IGFN1: variants seen among roughly 807,000 people sequenced by gnomAD.
The protein encoded by IGFN1 is immunoglobulin like and fibronectin type III domain containing 1.
A neutral mutation model predicts 289.5 loss-of-function variants in IGFN1; 253 were observed. That is an observed-to-expected ratio of 0.87 (90% CI 0.79 to 0.97). The LOEUF (loss-of-function observed/expected upper bound fraction) is 0.97, where lower values mean the gene tolerates loss of function less well. Ranked by LOEUF, IGFN1 falls within the 50% of genes least tolerant of loss-of-function variation. The pLI is 0.00. For missense variants in IGFN1, 4,470 were observed against 4,686.1 expected, an observed-to-expected ratio of 0.95 and a Z score of 1.35; for synonymous variants, 1,706 against 1,788.5, an observed-to-expected ratio of 0.95 and a Z score of 1.16.
chr1:201,224,688 A>T lies in IGFN1; in HGVS notation c.10300A>T (p.Met3434Leu). 1 of 1,613,958 alleles carries T rather than the reference A, an allele frequency of 6.2e-7. No individual in the cohort carries two copies. Among genetic ancestry groups the T allele is most frequent in the Non-Finnish European group, 8.5e-7 (1 of 1,179,910 alleles). ...RVPVSFEAMP[M>L]PEVTWLKDGL... ...TCCTCTCCTTTCTCAGGCCATGCCC[A>T]TGCCTGAGGTGACCTGGCTGAAGGA... Residue 3434 changes from methionine to leucine, a missense_variant, in exon 21 of 24, where the codon ATG becomes TTG. Physicochemically the swap from Met to Leu is conservative, Grantham distance 15. Transcript: ENST00000335211.
At chr1:201,224,186 G>A (rs190687563) in intron 20 of IGFN1, among the ~76,000 whole-genome samples, 211 of 152,268 alleles carry the variant, frequency 1.4e-3, no homozygotes, top group Middle Eastern at 6.8e-3. Context: ...ACAGTTCAAG[G>A]CCAGGACACC....
chr1:201,212,235 C>A lies in IGFN1; in HGVS notation c.7342C>A (p.Leu2448Met). 6.5e-7 allele frequency: 1 copy of A among 1,534,308 alleles called. No homozygotes were observed. The highest frequency in any genetic ancestry group is 8.7e-7 in the Non-Finnish European group (1 of 1,145,690). The change falls in exon 12 of 24, where the codon CTG (leucine) becomes ATG (methionine). Residue 2448 changes from leucine to methionine, a missense_variant. This residue lies in a region of IGFN1 where 2,218 missense variants were observed against 2,114.1 expected (regional missense o/e 1.05). Transcript: ENST00000335211. ...AGACAGCCTCAGGGGCACAGGGGTG[C>A]TGGGGTCTCAGGGAGGGCGACAGAC... ...HRDSLRGTGV[L>M]GSQGGRQTLS...
Position 201,208,275 on chromosome 1 carries a change from A to C in IGFN1, c.3382A>C (p.Arg1128=). The C allele has an allele frequency of 6.5e-7, 1 of 1,535,568 alleles. No individual in the cohort carries two copies. Among genetic ancestry groups the C allele is most frequent in the Non-Finnish European group, 8.7e-7 (1 of 1,146,568 alleles). The change falls in exon 12 of 24, where the codon AGA becomes CGA. Residue 1128 remains arginine (R), a synonymous_variant. Transcript: ENST00000335211. ...TCAGACTGGAAATTATGGGGGCTTC[A>C]GAGCCTCAGAGGCCCTGGGGGCCTT... ...WGQTGNYGGF[R]ASEALGAFGE...
At chr1:201,218,723 G>A (rs985020709) in intron 18 of IGFN1, 65 bp downstream of exon 18, 34 of 1,495,670 alleles carry the variant, frequency 2.3e-5, no homozygotes, top group Non-Finnish European at 2.7e-5. Context: ...AAGCTGGGTG[G>A]GACTTGATGG....
intron 22 of IGFN1, 116 bp downstream of exon 22, chr1:201,226,239 G>A (rs1232158678): frequency 8.4e-7 from 1 of 1,195,304 alleles, no homozygotes; most frequent in Non-Finnish European, 1.1e-6. Flanking sequence ...GGGATGGCCT[G>A]GAGCATGCCA....
At chr1:201,202,114 AG>A (rs1181140025) in intron 9 of IGFN1, among the ~76,000 whole-genome samples, 1 of 152,126 alleles carries the variant, frequency 6.6e-6, no homozygotes, top group African/African-American at 2.4e-5. Flanking sequence ...GGGTGAAAAG[AG>A]GGTTCTGAGA....
At chr1:201,227,298 G>A (rs1571504001) in intron 23 of IGFN1, 90 bp downstream of exon 23, 1 of 1,043,508 alleles carries the variant, frequency 9.6e-7, no homozygotes, top group African/African-American at 1.6e-5. Flanking sequence ...GGTGCCTAGA[G>A]GGATTCAGCC....
At chr1:201,228,275 G>A (rs1320145584) in intron 23 of IGFN1, 111 bp from the exon 24 acceptor site, 6 of 1,122,190 alleles carry the variant, frequency 5.3e-6, no homozygotes, top group Non-Finnish European at 8.2e-6. Flanking sequence ...CACACCCCCT[G>A]ATGGCAGAGC....
At chr1:201,202,421 C>T (rs1667204091) in intron 9 of IGFN1, among the ~76,000 whole-genome samples, 4 of 151,812 alleles carry the variant, frequency 2.6e-5, no homozygotes, top group South Asian at 2.1e-4. Flanking sequence ...GTGACTTGCC[C>T]CTCCCCTCAC....
chr1:201,226,939 G>A lies in IGFN1; in HGVS notation c.10844G>A (p.Arg3615Gln), dbSNP rs759555970. Residue 3615 changes from arginine to glutamine, a missense_variant, in exon 23 of 24, where the codon CGG becomes CAG. Physicochemically the swap from Arg to Gln is conservative, Grantham distance 43 (BLOSUM62 1). Coordinates refer to ENST00000335211, the MANE Select transcript of IGFN1 (RefSeq NM_001164586.2). ...YREPDLSQKPRFLVGLRSHLL... is the reference protein window; with the variant it reads ...YREPDLSQKPQFLVGLRSHLL... ...GAGCCCGACCTGAGCCAGAAGCCCC[G>A]GTTCCTGGTGGGCCTGCGGTCCCAC... is the stretch of plus-strand genomic sequence containing the variant. 2.5e-5 allele frequency: 40 copies of A among 1,611,178 alleles called. No individual in the cohort carries two copies. The highest frequency in any genetic ancestry group is 6.7e-5 in the Admixed American group (4 of 59,868).
At position 201,209,913 on chromosome 1, in the gene IGFN1, T is replaced by C; in HGVS notation, c.5020T>C (p.Tyr1674His). ...AATGGGGTCAATGGATGAGGCAGGT[T>C]ATAGGAAGAATTTGGGGGCTCCTGA... ...GEMGSMDEAG[Y>H]RKNLGAPEGI... The change falls in exon 12 of 24, where the codon TAT becomes CAT. Residue 1674 changes from tyrosine to histidine, a missense_variant. Transcript: ENST00000335211. 6.8e-7 allele frequency: 1 copy of C among 1,463,568 alleles called. No individual in the cohort carries two copies. The highest frequency in any genetic ancestry group is 9.1e-7 in the Non-Finnish European group (1 of 1,093,936). 90.7% of individuals were successfully genotyped at this position (1,463,568 alleles called of 1,614,324 possible). A position where few individuals can be genotyped will look rare whatever the true frequency, so the allele number is the denominator to read the frequency against.
chr1:201,216,200 G>A (rs904290870), intron 15 of IGFN1: 13 of 601,070 alleles, frequency 2.2e-5, no homozygotes, highest in South Asian at 7.8e-5. Context: ...CGGTGGGGCC[G>A]GGAGGGGCTG....
Position 201,202,046 on chromosome 1 carries a change from T to TG in IGFN1, c.747+217dup, listed in dbSNP as rs565298750. Among the ~76,000 whole-genome samples, 179 of 152,324 alleles carry TG rather than the reference T, an allele frequency of 1.2e-3. 1 individual carries two copies. Among genetic ancestry groups the TG allele is most frequent in the Admixed American group, 4.7e-3 (72 of 15,304 alleles). On this transcript the variant is annotated intron_variant, in intron 9 of 23. Coordinates refer to ENST00000335211, the MANE Select transcript of IGFN1 (RefSeq NM_001164586.2). ...GACTTCTTATCTCACACTGAGCAAC[T>TG]GGGCTCTCCAGCTGGGCCTGTGATT...
At chr1:201,201,999 G>A (rs1467355971) in intron 9 of IGFN1, among the ~76,000 whole-genome samples, 167 bp downstream of exon 9, 3 of 152,146 alleles carry the variant, frequency 2.0e-5, no homozygotes, top group Non-Finnish European at 2.9e-5. Flanking sequence ...CCAAACCCTG[G>A]TGTAGACCAT....
In IGFN1 at chr1:201,211,794, G is replaced by A. The variant is rs749734390; in HGVS notation, c.6901G>A (p.Glu2301Lys). 1.3e-5 allele frequency: 20 copies of A among 1,536,672 alleles called. No individual in the cohort carries two copies. The Admixed American group carries it at 1.6e-4, about 12-fold the overall frequency. The change falls in exon 12 of 24, where the codon GAG (glutamate) becomes AAG (lysine). Residue 2301 changes from glutamate to lysine, a missense_variant. By Grantham distance (56) the Glu-to-Lys change is moderately conservative. This residue lies in a region of IGFN1 where 2,218 missense variants were observed against 2,114.1 expected (regional missense o/e 1.05). Transcript: ENST00000335211. ...GGSGRNPLGS[E>K]AGSRGSLEDS... is the part of the protein sequence containing the mutation. Reference sequence around the variant, plus strand: ...TTCTGGGAGGAATCCATTAGGGAGCGAGGCAGGTTCTAGGGGTAGTTTGGA... The same window carrying A: ...TTCTGGGAGGAATCCATTAGGGAGCAAGGCAGGTTCTAGGGGTAGTTTGGA...
intron 12 of IGFN1, 82 bp downstream of exon 12, chr1:201,213,703 C>A: frequency 8.7e-7 from 1 of 1,147,298 alleles, no homozygotes; most frequent in African/African-American, 1.5e-5. Flanking sequence ...TTGGGTCTGT[C>A]CCAGTTCTGC....
chr1:201,212,865 G>T lies in IGFN1; in HGVS notation c.7972G>T (p.Asp2658Tyr). The T allele has an allele frequency of 3.2e-6, 5 of 1,551,298 alleles. No homozygotes were observed. Among genetic ancestry groups the T allele is most frequent in the Non-Finnish European group, 4.4e-6 (5 of 1,146,908 alleles). ...AGCTTCCGGTTCTCTGCAGGAGAAAGATGCCGCTTTTGGTGGGACCCATGA... is the reference window on the plus strand; with the variant it reads ...AGCTTCCGGTTCTCTGCAGGAGAAATATGCCGCTTTTGGTGGGACCCATGA... Reference protein sequence around the residue: ...SRASGSLQEKDAAFGGTHEGP... With the variant: ...SRASGSLQEKYAAFGGTHEGP... Residue 2658 changes from aspartate to tyrosine, a missense_variant, in exon 12 of 24, where the codon GAT becomes TAT. By Grantham distance (160) the Asp-to-Tyr change is radical (BLOSUM62 -3). Transcript: ENST00000335211.
chr1:201,228,508 A>T lies in IGFN1; in HGVS notation c.*109A>T. 1 of 1,208,836 alleles carries T rather than the reference A, an allele frequency of 8.3e-7. No homozygotes were observed. Among genetic ancestry groups the T allele is most frequent in the Non-Finnish European group, 1.2e-6 (1 of 812,464 alleles). 74.9% of individuals were successfully genotyped at this position (1,208,836 alleles called of 1,614,324 possible). On this transcript the variant is annotated 3_prime_UTR_variant, in exon 24 of 24. Transcript: ENST00000335211. ...TGGAGGCTGTGCCCAGAGCCCCAGG[A>T]AAATGGGAGTGAGAAGATGCCTGGC...
rs1667423925 is a variant in IGFN1 at position 201,206,413 on chromosome 1, A to G, written c.1520A>G (p.Gln507Arg). 1 of 1,550,998 alleles carries G rather than the reference A, an allele frequency of 6.4e-7. No homozygotes were observed. The highest frequency in any genetic ancestry group is 2.4e-5 in the East Asian group (1 of 40,924). ...GSRATLPREN[Q>R]SHREGGWARS... ...AGAGCCACTCTTCCCAGGGAAAATC[A>G]ATCCCACAGAGAGGGAGGCTGGGCC... is the stretch of plus-strand genomic sequence containing the variant. Residue 507 changes from glutamine (Q) to arginine (R), a missense_variant, in exon 12 of 24, where the codon CAA becomes CGA. Physicochemically the swap from Gln to Arg is conservative, Grantham distance 43 (BLOSUM62 1). Coordinates refer to ENST00000335211, the MANE Select transcript of IGFN1 (RefSeq NM_001164586.2).
Sources: allele counts gnomAD v4.1 joint callset (sites outside exome capture counted in the v4.1 genomes callset), GRCh38; gene constraint gnomAD v4.1.1; regional missense constraint gnomAD v4.1.1; transcripts MANE v1.5; gene names NCBI Gene and HGNC (gene_info 2026-07-23, HGNC 2026-07-21).